The following KIF26B variants were observed in gnomAD, a reference collection of about 807,000 sequenced individuals.
KIF26B encodes the protein kinesin-like protein KIF26B.
KIF26B carries 63 observed loss-of-function variants against 151.2 expected under a neutral mutation model. The ratio of observed to expected loss-of-function variants is 0.42; its 90% CI spans 0.34 to 0.51. The LOEUF (loss-of-function observed/expected upper bound fraction) is 0.51, where lower values mean the gene tolerates loss of function less well. Among genes scored for constraint, KIF26B ranks in the 20% least tolerant of loss-of-function variants. The pLI, the probability that KIF26B is intolerant of heterozygous loss-of-function variation, is 0.07. For synonymous variants in KIF26B, 1,357 were observed against 1,262.1 expected (o/e 1.08, Z -1.59); for missense variants, 2,813 against 2,913.6 (o/e 0.97, Z 0.79).
At chr1:245,370,076 A>C (rs1673075776) in intron 3 of KIF26B, among the ~76,000 whole-genome samples, 1 of 152,208 alleles carries the variant, frequency 6.6e-6, no homozygotes. Context: ...TTTAAAATAC[A>C]TGAGGAAGTT....
At position 245,572,179 on chromosome 1, in the gene KIF26B, C is replaced by T. The variant is rs573792059; in HGVS notation, c.1351-30398C>T. Among the ~76,000 whole-genome samples the T allele has an allele frequency of 4.5e-4, 68 of 152,136 alleles. 1 individual carries two copies. Among genetic ancestry groups the T allele is most frequent in the Non-Finnish European group, 8.5e-4 (58 of 68,024 alleles). Reference sequence around the variant, plus strand: ...GACAGGCTGACTCTTACTACGTGGCCGTAGGAATGGTTTGCCCTTGCTCAG... The same window carrying T: ...GACAGGCTGACTCTTACTACGTGGCTGTAGGAATGGTTTGCCCTTGCTCAG... On this transcript the variant is annotated intron_variant, in intron 5 of 14. Coordinates refer to ENST00000407071, the MANE Select transcript of KIF26B (RefSeq NM_018012.4). The surrounding 1 kb of genome is among the most constrained non-coding windows in gnomAD (Gnocchi z 4.2).
In KIF26B at chr1:245,431,241, C is replaced by T. The variant is rs185811046; in HGVS notation, c.1166+11496C>T. 3.9e-3 allele frequency among the ~76,000 whole-genome samples: 588 copies of T among 152,218 alleles called. 4 individuals are homozygous for T. The highest frequency in any genetic ancestry group is 0.014 in the African/African-American group (562 of 41,524). On this transcript the variant is annotated intron_variant, in intron 4 of 14. Coordinates refer to ENST00000407071, the MANE Select transcript of KIF26B (RefSeq NM_018012.4). ...TCGCCCAGGCTGGAGTGCAGTGGTG[C>T]GATCTTGGCTCACTGCAACCTCTGC...
intron 2 of KIF26B, among the ~76,000 whole-genome samples, chr1:245,246,872 C>CAT (rs1670339760): frequency 6.7e-6 from 1 of 149,788 alleles, no homozygotes; most frequent in Admixed American, 6.7e-5. Flanking sequence ...GCAGAACACA[C>CAT]ACACACACAC....
chr1:245,198,866 C>CA (rs1231530813), intron 2 of KIF26B, among the ~76,000 whole-genome samples: 1 of 91,024 alleles, frequency 1.1e-5, no homozygotes, highest in African/African-American at 4.2e-5. Flanking sequence ...GAGAGTGTAA[C>CA]GGGGGTTCTA....
At chr1:245,538,918 G>A (rs541881573) in intron 4 of KIF26B, among the ~76,000 whole-genome samples, 1 of 151,906 alleles carries the variant, frequency 6.6e-6, no homozygotes, top group Admixed American at 6.6e-5. Flanking sequence ...TTTAGGGAGA[G>A]AATTTCAAAA....
At chr1:245,558,779 A>G (rs1662098303) in intron 5 of KIF26B, among the ~76,000 whole-genome samples, 1 of 152,238 alleles carries the variant, frequency 6.6e-6, no homozygotes, top group Admixed American at 6.5e-5. Context: ...GCAAAAGGCA[A>G]AATACATGAC....
At chr1:245,378,120 G>C (rs958838440) in intron 3 of KIF26B, among the ~76,000 whole-genome samples, 1 of 152,148 alleles carries the variant, frequency 6.6e-6, no homozygotes, top group Non-Finnish European at 1.5e-5. Context: ...AGCCTAATCA[G>C]ACTGCTGCTG....
At chr1:245,278,748 A>G (rs1260223306) in intron 2 of KIF26B, among the ~76,000 whole-genome samples, 2 of 152,132 alleles carry the variant, frequency 1.3e-5, no homozygotes, top group African/African-American at 2.4e-5. Context: ...TCTTCCTGGG[A>G]CCAGTACATT....
rs906318855 is a variant in KIF26B at position 245,611,960 on chromosome 1, G to C, written c.2082G>C (p.Lys694Asn). Residue 694 changes from lysine to asparagine, a missense_variant, in exon 9 of 15, where the codon AAG (lysine) becomes AAC (asparagine). Lys to Asn is a moderately conservative substitution (Grantham distance 94, BLOSUM62 0). Coordinates refer to ENST00000407071, the MANE Select transcript of KIF26B (RefSeq NM_018012.4). ...TLHIYQYRMEKSGKGGMSGGR... is the reference protein window; with the variant it reads ...TLHIYQYRMENSGKGGMSGGR... ...ACATCTACCAGTACCGGATGGAGAA[G>C]AGCGGGAAAGGGGGAAGTAAGTCGG... 1.2e-6 allele frequency: 2 copies of C among 1,612,336 alleles called. No homozygotes were observed. Among genetic ancestry groups the C allele is most frequent in the East Asian group, 2.2e-5 (1 of 44,832 alleles).
At chr1:245,298,156 G>T (rs1671369416) in intron 2 of KIF26B, among the ~76,000 whole-genome samples, 1 of 152,146 alleles carries the variant, frequency 6.6e-6, no homozygotes, top group Admixed American at 6.5e-5. Flanking sequence ...CAAAGTGCTG[G>T]GATGACAGGC....
chr1:245,199,534 A>G (rs892340963), intron 2 of KIF26B, among the ~76,000 whole-genome samples: 3 of 149,296 alleles, frequency 2.0e-5, no homozygotes, highest in Admixed American at 6.7e-5. Context: ...GCTGGAGTGC[A>G]GTGGTGTAAT....
At position 245,602,471 on chromosome 1, in the gene KIF26B, A is replaced by G. The variant is rs2043406632; in HGVS notation, c.1351-106A>G. 2.5e-6 allele frequency: 2 copies of G among 809,630 alleles called. No individual in the cohort carries two copies. The highest frequency in any genetic ancestry group is 3.2e-5 in the South Asian group (2 of 62,864). 50.2% of individuals were successfully genotyped at this position (809,630 alleles called of 1,614,324 possible). Reference sequence around the variant, plus strand: ...ATTTCATCATAATTTATCCTGAGAAAGTTCAGTGCTGCCATGTGCATGTAT... The same window carrying G: ...ATTTCATCATAATTTATCCTGAGAAGGTTCAGTGCTGCCATGTGCATGTAT... On this transcript the variant is annotated intron_variant, in intron 5 of 14. Transcript: ENST00000407071. The surrounding 1 kb of genome is among the most constrained non-coding windows in gnomAD (Gnocchi z 4.5).
chr1:245,416,272 C>A (rs1290311765), intron 3 of KIF26B, among the ~76,000 whole-genome samples: 1 of 122,518 alleles, frequency 8.2e-6, no homozygotes. Flanking sequence ...AAGAGCGAAA[C>A]TCTGTCTCAA....
intron 7 of KIF26B, among the ~76,000 whole-genome samples, chr1:245,608,624 C>T (rs577124237): frequency 5.3e-5 from 8 of 152,016 alleles, no homozygotes; most frequent in Non-Finnish European, 7.4e-5. Context: ...TAAAAAGAAC[C>T]ATAATGATGA....
In KIF26B at chr1:245,241,744, G is replaced by A. The variant is rs1043651786; in HGVS notation, c.465+85061G>A. 1.3e-5 allele frequency among the ~76,000 whole-genome samples: 2 copies of A among 152,206 alleles called. No homozygotes were observed. Among genetic ancestry groups the A allele is most frequent in the Non-Finnish European group, 2.9e-5 (2 of 68,028 alleles). On this transcript the variant is annotated intron_variant, in intron 2 of 14. Coordinates refer to ENST00000407071, the MANE Select transcript of KIF26B (RefSeq NM_018012.4). The surrounding 1 kb of genome is among the most constrained non-coding windows in gnomAD (Gnocchi z 5.0). The stretch of plus-strand genomic sequence containing the variant: ...CCCAGCTGGCTGCCCGCTCCCTCCT[G>A]TGGGCAGTGCTTCACAGCGGCAGCG...
At chr1:245,213,075 G>A (rs527762168) in intron 2 of KIF26B, among the ~76,000 whole-genome samples, 1 of 152,202 alleles carries the variant, frequency 6.6e-6, no homozygotes, top group Non-Finnish European at 1.5e-5. Context: ...AAGGTAGCCA[G>A]AGTGCTGTTT....
intron 10 of KIF26B, among the ~76,000 whole-genome samples, chr1:245,658,154 C>T (rs932708808): frequency 2.6e-5 from 4 of 152,298 alleles, no homozygotes; most frequent in Admixed American, 1.3e-4. Context: ...TATGCCCTTC[C>T]GTACCTTCTT....
intron 10 of KIF26B, among the ~76,000 whole-genome samples, chr1:245,666,157 C>T (rs1440616918): frequency 6.6e-6 from 1 of 151,838 alleles, no homozygotes; most frequent in Non-Finnish European, 1.5e-5. Context: ...GGTGCCACCA[C>T]ACTTGGCTAA....
chr1:245,329,614 T>C (rs540164826), intron 2 of KIF26B, among the ~76,000 whole-genome samples: 2 of 152,132 alleles, frequency 1.3e-5, no homozygotes, highest in Non-Finnish European at 2.9e-5. Flanking sequence ...ATGACACCCC[T>C]CATACACATT....
Sources: allele counts gnomAD v4.1 joint callset (sites outside exome capture counted in the v4.1 genomes callset), GRCh38; gene constraint gnomAD v4.1.1; non-coding constraint Gnocchi (gnomAD v3.1); transcripts MANE v1.5; gene names NCBI Gene and HGNC (gene_info 2026-07-23, HGNC 2026-07-21).